MAX: variants seen among roughly 807,000 people sequenced by gnomAD.
The protein encoded by MAX is MYC associated transcriptional regulator X, also known as protein max.
Under a neutral mutation model 22.3 loss-of-function variants are expected in MAX, and 3 were observed. The ratio of observed to expected loss-of-function variants is 0.13; its 90% CI spans 0.06 to 0.35. The LOEUF (loss-of-function observed/expected upper bound fraction) is 0.35. Ranked by LOEUF, MAX falls within the 10% of genes least tolerant of loss-of-function variation. The pLI is 1.00. For missense variants in MAX, 119 were observed against 209.4 expected (o/e 0.57, Z 2.66); for synonymous variants, 72 against 77.7 (o/e 0.93, Z 0.39).
intron 3 of MAX, chr14:65,061,778 G>A (rs370989148): frequency 6.3e-6 from 1 of 158,580 alleles, no homozygotes; most frequent in Admixed American, 6.1e-5. Flanking sequence ...TGAGTTCTCT[G>A]TAAGACTGTG....
At position 65,032,450 on chromosome 14, in the gene MAX, C is replaced by T. The variant is rs750715721; in HGVS notation, c.172-26166G>A. On this transcript the variant is annotated intron_variant, in intron 3 of 3. Transcript: ENST00000341653. This position sits in a 1 kb window ranked among gnomAD's most constrained non-coding sequence, Gnocchi z 5.0. Reference sequence around the variant, plus strand: ...ACTCTATCCAAATAGAATGTCACACCTCTCAGTTGGAGACCCAGGAGGACT... The same window carrying T: ...ACTCTATCCAAATAGAATGTCACACTTCTCAGTTGGAGACCCAGGAGGACT... 193 of 593,442 alleles carry T rather than the reference C, an allele frequency of 3.3e-4. 1 individual carries two copies. The highest frequency in any genetic ancestry group is 3.7e-4 in the Admixed American group (10 of 26,842). The allele number at this position is 593,442 out of a possible 1,614,324, so 36.8% of individuals were successfully genotyped here.
intron 3 of MAX, chr14:65,040,909 A>G: frequency 6.2e-7 from 1 of 1,613,808 alleles, no homozygotes; most frequent in Non-Finnish European, 8.5e-7. Context: ...TTGAACTTGA[A>G]GAGCTTATTA....
chr14:65,032,612 G>T lies in MAX; in HGVS notation c.172-26328C>A. Reference sequence around the variant, plus strand: ...GTTTCCCGTTTCTGTCTTTCCAGAAGCGCATACTGTGCTGCCTCCGTAGCC... The same window carrying T: ...GTTTCCCGTTTCTGTCTTTCCAGAATCGCATACTGTGCTGCCTCCGTAGCC... On this transcript the variant is annotated intron_variant, in intron 3 of 3. Coordinates refer to the MAX transcript ENST00000341653. This position sits in a 1 kb window ranked among gnomAD's most constrained non-coding sequence, Gnocchi z 5.0. 1 of 1,613,630 alleles carries T rather than the reference G, an allele frequency of 6.2e-7. No homozygotes were observed.
intron 3 of MAX, among the ~76,000 whole-genome samples, chr14:65,052,657 G>T (rs921830559): frequency 6.6e-5 from 10 of 152,172 alleles, no homozygotes; most frequent in Admixed American, 5.2e-4. Context: ...TTTTGCTAGG[G>T]TATCATATGA....
rs1390442867 is a variant in MAX at position 65,028,741 on chromosome 14, A to G, written c.172-22457T>C. Among the ~76,000 whole-genome samples, 1 of 152,254 alleles carries G rather than the reference A, an allele frequency of 6.6e-6. No homozygotes were observed. Among genetic ancestry groups the G allele is most frequent in the Non-Finnish European group, 1.5e-5 (1 of 68,034 alleles). On this transcript the variant is annotated intron_variant, in intron 3 of 3. Coordinates refer to the MAX transcript ENST00000341653. The surrounding 1 kb of genome is among the most constrained non-coding windows in gnomAD (Gnocchi z 4.4). ...AAAAATTAGATTAGGATCTGTGTAT[A>G]CCAGTGAAACCAGTAGAACGACTGA...
At position 65,031,251 on chromosome 14, in the gene MAX, C is replaced by T. The variant is rs1253035381; in HGVS notation, c.172-24967G>A. ...GGAGAAGCTGAAATAAAATGTGCCC[C>T]GAGAAGAATTAGGGCTGGGAGGATG... On this transcript the variant is annotated intron_variant, in intron 3 of 3. Coordinates refer to the MAX transcript ENST00000341653. The surrounding 1 kb of genome is among the most constrained non-coding windows in gnomAD (Gnocchi z 4.6). Among the ~76,000 whole-genome samples the T allele has an allele frequency of 6.6e-6, 1 of 151,822 alleles. No homozygotes were observed. Among genetic ancestry groups the T allele is most frequent in the African/African-American group, 2.4e-5 (1 of 41,342 alleles).
rs1161722065 is a variant in MAX, at chr14:65,011,918, A to G, written c.172-5634T>C. 6.6e-6 allele frequency among the ~76,000 whole-genome samples: 1 copy of G among 152,150 alleles called. No individual in the cohort carries two copies. Among genetic ancestry groups the G allele is most frequent in the Admixed American group, 6.5e-5 (1 of 15,268 alleles). On this transcript the variant is annotated intron_variant, in intron 3 of 3. Transcript: ENST00000341653. The surrounding 1 kb of genome is among the most constrained non-coding windows in gnomAD (Gnocchi z 4.0). ...GAAATGACAGCGGCTGAGGCAGGGAAGTGGCGAGGCTCAGATTTAAATTGC... is the reference window on the plus strand; with the variant it reads ...GAAATGACAGCGGCTGAGGCAGGGAGGTGGCGAGGCTCAGATTTAAATTGC...
At chr14:65,008,509 G>A (rs143583815) in intron 3 of MAX, among the ~76,000 whole-genome samples, 8 of 152,356 alleles carry the variant, frequency 5.3e-5, no homozygotes, top group African/African-American at 7.2e-5. Flanking sequence ...TACAGTTACC[G>A]ATGGGATAAT....
At chr14:65,006,156 CT>C (rs367570902), downstream of MAX, 179,199 of 1,373,144 alleles carry the variant, frequency 0.13, 1 homozygote, top group Middle Eastern at 0.2. Context: ...ACCTTTGTGT[CT>C]TTTTTTTTTT....
chr14:65,039,595 T>A (rs779727295), intron 3 of MAX, among the ~76,000 whole-genome samples: 14 of 152,160 alleles, frequency 9.2e-5, no homozygotes, highest in Non-Finnish European at 1.9e-4. Flanking sequence ...CCCTCTCCCA[T>A]CCCTATCCTT....
intron 3 of MAX, chr14:65,083,983 A>G: frequency 6.9e-7 from 1 of 1,455,342 alleles, no homozygotes; most frequent in Non-Finnish European, 9.1e-7. Flanking sequence ...CATCAATGCC[A>G]GCAAAGGAGG....
Position 65,077,237 on chromosome 14 carries a change from C to T in MAX, c.296-574G>A. On this transcript the variant is annotated intron_variant, in intron 4 of 4. Transcript: ENST00000358664. The surrounding 1 kb of genome is among the most constrained non-coding windows in gnomAD (Gnocchi z 6.3). Reference sequence around the variant, plus strand: ...CCAGTAACCAACCCACTGACACCACCCACTGCCCATCCCTTGGTTCAGCTC... The same window carrying T: ...CCAGTAACCAACCCACTGACACCACTCACTGCCCATCCCTTGGTTCAGCTC... The T allele has an allele frequency of 1.2e-6, 1 of 821,768 alleles. No homozygotes were observed. Among genetic ancestry groups the T allele is most frequent in the Non-Finnish European group, 2.0e-6 (1 of 491,638 alleles). The allele number at this position is 821,768 out of a possible 1,614,324, so 50.9% of individuals were successfully genotyped here.
rs2139581194 is a variant in MAX at position 65,029,668 on chromosome 14, G to A, written c.172-23384C>T. On this transcript the variant is annotated intron_variant, in intron 3 of 3. Coordinates refer to the MAX transcript ENST00000341653. The surrounding 1 kb of genome is among the most constrained non-coding windows in gnomAD (Gnocchi z 4.7). ...TTGCAGAAGTTTGGTGAGAAAGCAT[G>A]TGTTGCTCAAGAAAGGACAAGTTCA... Among the ~76,000 whole-genome samples the A allele has an allele frequency of 6.6e-6, 1 of 152,334 alleles. No homozygotes were observed. The highest frequency in any genetic ancestry group is 1.9e-4 in the East Asian group (1 of 5,184).
Position 65,014,204 on chromosome 14 carries a change from A to G in MAX, c.172-7920T>C, listed in dbSNP as rs1231818090. Among the ~76,000 whole-genome samples the G allele has an allele frequency of 6.6e-6, 1 of 152,232 alleles. No individual in the cohort carries two copies. The highest frequency in any genetic ancestry group is 2.4e-5 in the African/African-American group (1 of 41,458). ...AGGTTAATCTTTGGACCTCATTTAT[A>G]TATTTTAATTTATAAAACTGGGGCA... On this transcript the variant is annotated intron_variant, in intron 3 of 3. Coordinates refer to the MAX transcript ENST00000341653. This position sits in a 1 kb window ranked among gnomAD's most constrained non-coding sequence, Gnocchi z 5.1.
At chr14:65,017,414 G>A (rs970446005) in intron 3 of MAX, among the ~76,000 whole-genome samples, 2 of 152,118 alleles carry the variant, frequency 1.3e-5, no homozygotes, top group Non-Finnish European at 2.9e-5. Flanking sequence ...GGAGGAGGCC[G>A]CAGACCCATG....
In MAX at chr14:65,060,621, G is replaced by T. The variant is rs1340659299; in HGVS notation, c.171+33087C>A. Among the ~76,000 whole-genome samples, 5 of 102,868 alleles carry T rather than the reference G, an allele frequency of 4.9e-5. No homozygotes were observed. In the East Asian group the frequency reaches 1.5e-3, roughly 31 times the overall value. The allele number at this position is 102,868 out of a possible 152,430, so 67.5% of individuals were successfully genotyped here. On this transcript the variant is annotated intron_variant, in intron 3 of 3. Coordinates refer to the MAX transcript ENST00000341653. The stretch of plus-strand genomic sequence containing the variant: ...TGAGGCAGGAGAATGGCGTGAACCC[G>T]GGAGGCGGAGCTTGCAGTGAGCCGA...
chr14:65,024,328 AT>A lies in MAX; in HGVS notation c.172-18045del, dbSNP rs36123699. The stretch of plus-strand genomic sequence containing the variant: ...AATTAGGTGTGGCTTGGGTGTTGGG[AT>A]TTTTTTAAAACACCCCCCAAGTAAT... On this transcript the variant is annotated intron_variant, in intron 3 of 3. Coordinates refer to the MAX transcript ENST00000341653. 6.3e-3 allele frequency among the ~76,000 whole-genome samples: 955 copies of A among 151,932 alleles called. 17 individuals are homozygous for A. Among genetic ancestry groups the A allele is most frequent in the South Asian group, 0.044 (210 of 4,804 alleles).
intron 3 of MAX, chr14:65,053,457 C>T: frequency 1.1e-6 from 1 of 938,540 alleles, no homozygotes; most frequent in Middle Eastern, 2.9e-4. Context: ...GTGTCACCTT[C>T]AGCACCTGCA....
intron 3 of MAX, among the ~76,000 whole-genome samples, chr14:65,087,077 G>A (rs1383745867): frequency 6.6e-6 from 1 of 152,220 alleles, no homozygotes; most frequent in African/African-American, 2.4e-5. Flanking sequence ...CTTCCTCATG[G>A]TATTGAGCCT....
Sources: allele counts gnomAD v4.1 joint callset (sites outside exome capture counted in the v4.1 genomes callset), GRCh38; gene constraint gnomAD v4.1.1; non-coding constraint Gnocchi (gnomAD v3.1); transcripts MANE v1.5; gene names NCBI Gene and HGNC (gene_info 2026-07-23, HGNC 2026-07-21).